GALNTL6: variants seen among roughly 807,000 people sequenced by gnomAD.
The protein encoded by GALNTL6 is polypeptide N-acetylgalactosaminyltransferase like 6.
A neutral mutation model predicts 73.7 loss-of-function variants in GALNTL6; 46 were observed. The ratio of observed to expected loss-of-function variants is 0.62; its 90% confidence interval spans 0.49 to 0.80. The LOEUF is 0.80. GALNTL6 is among the 30% of genes least tolerant of loss of function. The pLI, the probability that GALNTL6 is intolerant of heterozygous loss-of-function variation, is 0.00. For synonymous variants in GALNTL6, 259 were observed against 263.7 expected, an observed-to-expected ratio of 0.98 and a Z score of 0.17; for missense variants, 604 against 755.0, an observed-to-expected ratio of 0.80 and a Z score of 2.34.
chr4:171,888,623 C>T (rs1198237733), intron 2 of GALNTL6, among the ~76,000 whole-genome samples: 1 of 151,996 alleles, frequency 6.6e-6, no homozygotes, highest in Non-Finnish European at 1.5e-5. Flanking sequence ...ACAAGCCCTA[C>T]CCACATTGGT....
chr4:171,989,553 G>A (rs1740265321), intron 2 of GALNTL6, among the ~76,000 whole-genome samples: 1 of 152,210 alleles, frequency 6.6e-6, no homozygotes, highest in Non-Finnish European at 1.5e-5. Context: ...TCAGGTGTTT[G>A]GAGTTCTTGT....
chr4:172,609,153 G>A (rs189828575), intron 5 of GALNTL6, among the ~76,000 whole-genome samples: 198 of 152,148 alleles, frequency 1.3e-3, no homozygotes, highest in Non-Finnish European at 2.3e-3. Context: ...GATTGCTCGG[G>A]CTAGAATTTC....
At chr4:172,066,730 A>G (rs1454745346) in intron 2 of GALNTL6, among the ~76,000 whole-genome samples, 1 of 152,132 alleles carries the variant, frequency 6.6e-6, no homozygotes, top group Non-Finnish European at 1.5e-5. Context: ...TACACTTATC[A>G]TTTTAACAGA....
chr4:172,990,444 T>C (rs1375485531), intron 10 of GALNTL6, among the ~76,000 whole-genome samples: 1 of 152,198 alleles, frequency 6.6e-6, no homozygotes, highest in Non-Finnish European at 1.5e-5. Flanking sequence ...TGTCAAGCAG[T>C]AAGTCATAAA....
chr4:172,362,887 T>C (rs1194966773), intron 5 of GALNTL6, among the ~76,000 whole-genome samples: 2 of 152,198 alleles, frequency 1.3e-5, no homozygotes, highest in Non-Finnish European at 1.5e-5. Flanking sequence ...TTTGTAGTCA[T>C]TTTTCCTTCT....
chr4:172,083,627 T>C (rs1329859928), intron 2 of GALNTL6, among the ~76,000 whole-genome samples: 1 of 152,200 alleles, frequency 6.6e-6, no homozygotes, highest in Non-Finnish European at 1.5e-5. Context: ...TAAATAATAT[T>C]ACTCAATATA....
At chr4:172,573,403 C>T (rs1314296118) in intron 5 of GALNTL6, among the ~76,000 whole-genome samples, 1 of 152,110 alleles carries the variant, frequency 6.6e-6, no homozygotes, top group Admixed American at 6.6e-5. Flanking sequence ...AAACTGTAGA[C>T]TAATTCTCAT....
chr4:172,860,002 T>C (rs1744317421), intron 7 of GALNTL6, among the ~76,000 whole-genome samples: 1 of 152,172 alleles, frequency 6.6e-6, no homozygotes, highest in African/African-American at 2.4e-5. Context: ...TACAATGTCA[T>C]AATAATAGAA....
chr4:171,985,612 T>C (rs1297660379), intron 2 of GALNTL6, among the ~76,000 whole-genome samples: 1 of 152,188 alleles, frequency 6.6e-6, no homozygotes, highest in African/African-American at 2.4e-5. Context: ...TGAAGAGATG[T>C]CTGGCTAAAC....
At position 173,020,669 on chromosome 4, in the gene GALNTL6, A is replaced by C. The variant is rs115573154; in HGVS notation, c.1489-807A>C. Among the ~76,000 whole-genome samples, 800 of 152,324 alleles carry C rather than the reference A, an allele frequency of 5.3e-3. 1 individual carries two copies. Among genetic ancestry groups the C allele is most frequent in the Non-Finnish European group, 9.3e-3 (632 of 68,032 alleles). On this transcript the variant is annotated intron_variant, in intron 11 of 12. Coordinates refer to ENST00000506823, the MANE Select transcript of GALNTL6 (RefSeq NM_001034845.3). ...TAGGTTTTTCAAGGTGCTAGCATCA[A>C]TTCGGCTCATCTCTACTCTTTGTCT...
chr4:172,594,966 T>C (rs1210838790), intron 5 of GALNTL6, among the ~76,000 whole-genome samples: 1 of 152,166 alleles, frequency 6.6e-6, no homozygotes, highest in Non-Finnish European at 1.5e-5. Context: ...GAGGTCAGGG[T>C]GGCCCCGTGG....
At chr4:172,183,663 G>A (rs909861827) in intron 2 of GALNTL6, among the ~76,000 whole-genome samples, 1 of 152,094 alleles carries the variant, frequency 6.6e-6, no homozygotes, top group Admixed American at 6.5e-5. Flanking sequence ...TAAATCCCAT[G>A]GTAGTGTGAG....
At chr4:171,825,756 A>C (rs772298922) in intron 2 of GALNTL6, among the ~76,000 whole-genome samples, 7 of 152,084 alleles carry the variant, frequency 4.6e-5, no homozygotes, top group Non-Finnish European at 1.0e-4. Context: ...GACAAGTTTC[A>C]CATAGGGACT....
intron 5 of GALNTL6, among the ~76,000 whole-genome samples, chr4:172,591,208 A>T (rs1737624371): frequency 1.3e-5 from 2 of 152,192 alleles, no homozygotes; most frequent in Non-Finnish European, 2.9e-5. Flanking sequence ...TTAGGCAATT[A>T]ATTCTTCTCA....
rs114375768 is a variant in GALNTL6 at position 172,587,655 on chromosome 4, C to T, written c.554-221706C>T. 4.9e-3 allele frequency among the ~76,000 whole-genome samples: 740 copies of T among 152,284 alleles called. 5 individuals carry two copies. The highest frequency in any genetic ancestry group is 0.017 in the African/African-American group (708 of 41,554). The stretch of plus-strand genomic sequence containing the variant: ...CTATGATTCCCCTCTATACCTTCCA[C>T]GCCTGCTTTTCTGCAGCTCACAGAT... On this transcript the variant is annotated intron_variant, in intron 5 of 12. Transcript: ENST00000506823.
chr4:172,544,363 C>T (rs1260834883), intron 5 of GALNTL6, among the ~76,000 whole-genome samples: 1 of 152,144 alleles, frequency 6.6e-6, no homozygotes, highest in Non-Finnish European at 1.5e-5. Flanking sequence ...AGTTGTGGTT[C>T]TCAAGGGTCC....
intron 2 of GALNTL6, among the ~76,000 whole-genome samples, chr4:171,995,281 G>A (rs1467866948): frequency 6.6e-6 from 1 of 151,806 alleles, no homozygotes; most frequent in Non-Finnish European, 1.5e-5. Flanking sequence ...CACCACTTCT[G>A]GATGAAAACT....
chr4:171,910,520 T>A (rs1473378738), intron 2 of GALNTL6, among the ~76,000 whole-genome samples: 1 of 151,578 alleles, frequency 6.6e-6, no homozygotes, highest in African/African-American at 2.4e-5. Context: ...AAGCACCCTA[T>A]AAAATTAAAT....
intron 9 of GALNTL6, among the ~76,000 whole-genome samples, chr4:172,933,766 A>T (rs1748474096): frequency 6.6e-6 from 1 of 152,202 alleles, no homozygotes; most frequent in African/African-American, 2.4e-5. Context: ...CTTTATATAT[A>T]CTTCAAATGC....
Sources: allele counts gnomAD v4.1 joint callset (sites outside exome capture counted in the v4.1 genomes callset), GRCh38; gene constraint gnomAD v4.1.1; transcripts MANE v1.5; gene names NCBI Gene and HGNC (gene_info 2026-07-23, HGNC 2026-07-21).